PXN: variants seen among roughly 807,000 people sequenced by gnomAD.
PXN encodes the protein testicular tissue protein Li 134.
In PXN, 61 loss-of-function variants were observed where a neutral mutation model predicts 103.6. The observed-to-expected ratio is 0.59, with a 90% CI of 0.48 to 0.73. The LOEUF (loss-of-function observed/expected upper bound fraction) is 0.73, where lower values mean the gene tolerates loss of function less well. PXN is among the 30% of genes least tolerant of loss of function. The probability of loss-of-function intolerance (pLI) is 0.00; values close to 1 mark genes in which losing one functional copy is unlikely to be tolerated. For synonymous variants in PXN, 562 were observed against 607.8 expected (o/e 0.92, Z 1.11); for missense variants, 1,274 against 1,460.3 (o/e 0.87, Z 2.08).
chr12:120,251,014 GCCAA>G (rs1400655608), intron 1 of PXN, among the ~76,000 whole-genome samples: 1 of 152,124 alleles, frequency 6.6e-6, no homozygotes, highest in Non-Finnish European at 1.5e-5. Flanking sequence ...GACCAGCCTG[GCCAA>G]CATGGCGAAA....
chr12:120,237,148 T>TATACAC (rs1204785614), intron 1 of PXN, among the ~76,000 whole-genome samples: 1 of 137,552 alleles, frequency 7.3e-6, no homozygotes, highest in Non-Finnish European at 1.6e-5. Context: ...TGTGTGTGTA[T>TATACAC]ACACACACAC....
intron 1 of PXN, among the ~76,000 whole-genome samples, chr12:120,237,078 G>A (rs984223854): frequency 2.0e-5 from 3 of 151,824 alleles, no homozygotes; most frequent in South Asian, 4.2e-4. Context: ...CTAGGATTAC[G>A]GGCATGAGCC....
chr12:120,257,582 A>AGGT (rs1473970947), intron 1 of PXN, among the ~76,000 whole-genome samples: 2 of 152,196 alleles, frequency 1.3e-5, no homozygotes, highest in Non-Finnish European at 2.9e-5. Context: ...CTCAGAGCCA[A>AGGT]GAGGGCCACT....
At position 120,211,625 on chromosome 12, in the gene PXN, C is replaced by T. The variant is rs1484617566; in HGVS notation, c.*689G>A. 1 of 288,768 alleles carries T rather than the reference C, an allele frequency of 3.5e-6. No individual in the cohort carries two copies. Among genetic ancestry groups the T allele is most frequent in the African/African-American group, 2.2e-5 (1 of 46,086 alleles). 17.9% of individuals were successfully genotyped at this position (288,768 alleles called of 1,614,324 possible). A position where few individuals can be genotyped will look rare whatever the true frequency, so the allele number is the denominator to read the frequency against. On this transcript the variant is annotated 3_prime_UTR_variant, in exon 15 of 15. Coordinates refer to ENST00000637617, the MANE Select transcript of PXN (RefSeq NM_001385981.1). ...AAATCTATCAAAGTCGGTACAGTGT[C>T]CAGGCACGCCGTCCCGGAGACGGAG...
At chr12:120,234,886 G>A (rs1282551440) in intron 1 of PXN, among the ~76,000 whole-genome samples, 1 of 152,138 alleles carries the variant, frequency 6.6e-6, no homozygotes, top group Non-Finnish European at 1.5e-5. Flanking sequence ...GCCAGCAGGG[G>A]GAGGAGTCGG....
chr12:120,248,328 G>A (rs1486093723), intron 1 of PXN, among the ~76,000 whole-genome samples: 1 of 151,844 alleles, frequency 6.6e-6, no homozygotes, highest in Admixed American at 6.6e-5. Flanking sequence ...AGGGAAGCAC[G>A]CCAGCTCACA....
At position 120,220,683 on chromosome 12, in the gene PXN, T is replaced by C. The variant is rs1411350921; in HGVS notation, c.832-592A>G. Among the ~76,000 whole-genome samples the C allele has an allele frequency of 6.6e-6, 1 of 152,166 alleles. No individual in the cohort carries two copies. The highest frequency in any genetic ancestry group is 1.5e-5 in the Non-Finnish European group (1 of 68,026). ...AATCCAACTTACTTGCTTCTGACCA[T>C]GGCTGCTCAGAACCACTGGCCTGGA... On this transcript the variant is annotated intron_variant, in intron 6 of 14. Transcript: ENST00000637617. The surrounding 1 kb of genome is among the most constrained non-coding windows in gnomAD (Gnocchi z 6.1).
Position 120,213,379 on chromosome 12 carries a change from C to CA in PXN, c.2979+462dup, listed in dbSNP as rs869127796. Among the ~76,000 whole-genome samples the CA allele has an allele frequency of 6.8e-6, 1 of 147,696 alleles. No homozygotes were observed. On this transcript the variant is annotated intron_variant, in intron 14 of 14. Transcript: ENST00000637617. This position sits in a 1 kb window ranked among gnomAD's most constrained non-coding sequence, Gnocchi z 4.2. ...TGGGCAACAGAGTGAGACTCCGTCT[C>CA]AAAAAAAGAAAAGAAAAGAAAAGGC...
rs1894526125 is a variant in PXN, at chr12:120,265,318, G to C, written c.13+299C>G. Among the ~76,000 whole-genome samples, 1 of 152,108 alleles carries C rather than the reference G, an allele frequency of 6.6e-6. No individual in the cohort carries two copies. The highest frequency in any genetic ancestry group is 1.5e-5 in the Non-Finnish European group (1 of 68,002). ...CGGACGGGGTGGGTCCCTGAGGGGCGGGCTGGTCCCTGGGGCCCTTCTGGG... is the reference window on the plus strand; with the variant it reads ...CGGACGGGGTGGGTCCCTGAGGGGCCGGCTGGTCCCTGGGGCCCTTCTGGG... On this transcript the variant is annotated intron_variant, in intron 1 of 14. Transcript: ENST00000637617. This position sits in a 1 kb window ranked among gnomAD's most constrained non-coding sequence, Gnocchi z 5.7.
intron 1 of PXN, among the ~76,000 whole-genome samples, chr12:120,257,711 G>A (rs781751008): frequency 2.8e-4 from 43 of 152,184 alleles, no homozygotes; most frequent in Non-Finnish European, 5.4e-4. Context: ...GGGGGAGCCT[G>A]AAGGCTGGAA....
chr12:120,217,595 G>C lies in PXN; in HGVS notation c.1717-479C>G, dbSNP rs550788846. 2.0e-5 allele frequency among the ~76,000 whole-genome samples: 3 copies of C among 151,108 alleles called. No homozygotes were observed. The highest frequency in any genetic ancestry group is 2.9e-5 in the Non-Finnish European group (2 of 67,816). ...TTTCCTTCCAGGAACTTTTTTTTGG[G>C]GGGGGACAGAGTCTCGCTCTGTCGC... On this transcript the variant is annotated intron_variant, in intron 7 of 14. Transcript: ENST00000637617. The surrounding 1 kb of genome is among the most constrained non-coding windows in gnomAD (Gnocchi z 4.1).
rs1274355415 is a variant in PXN, at chr12:120,211,905, G to A, written c.*409C>T. The A allele has an allele frequency of 1.9e-6, 1 of 524,680 alleles. No individual in the cohort carries two copies. Among genetic ancestry groups the A allele is most frequent in the Non-Finnish European group, 3.8e-6 (1 of 264,208 alleles). 32.5% of individuals were successfully genotyped at this position (524,680 alleles called of 1,614,324 possible). On this transcript the variant is annotated 3_prime_UTR_variant, in exon 15 of 15. Coordinates refer to ENST00000637617, the MANE Select transcript of PXN (RefSeq NM_001385981.1). ...GAACAAAGACAATTAGGTCGGGGGA[G>A]GAATAAGGATAAAAAGAGACCCCAA...
rs1887462062 is a variant in PXN, at chr12:120,228,940, C to T, written c.14-4563G>A. On this transcript the variant is annotated intron_variant, in intron 1 of 14. Transcript: ENST00000637617. This position sits in a 1 kb window ranked among gnomAD's most constrained non-coding sequence, Gnocchi z 4.7. ...CTACGGCCAGGCTGAGAGGAAGAAG[C>T]CCTTCCCTGGGCCTCAGCAACTGAC... Among the ~76,000 whole-genome samples, 1 of 152,202 alleles carries T rather than the reference C, an allele frequency of 6.6e-6. No homozygotes were observed. The highest frequency in any genetic ancestry group is 1.5e-5 in the Non-Finnish European group (1 of 68,026).
At position 120,217,153 on chromosome 12, in the gene PXN, C is replaced by G; in HGVS notation, c.1717-37G>C. On this transcript the variant is annotated intron_variant, in intron 7 of 14. Transcript: ENST00000637617. This position sits in a 1 kb window ranked among gnomAD's most constrained non-coding sequence, Gnocchi z 4.1. ...GGGAGGGGAGGCTGTCACCGTCCCA[C>G]TCCCAGCTTGCACAACGCTGCTCAG... 3 of 1,507,478 alleles carry G rather than the reference C, an allele frequency of 2.0e-6. No individual in the cohort carries two copies. Among genetic ancestry groups the G allele is most frequent in the Non-Finnish European group, 2.7e-6 (3 of 1,114,864 alleles). 93.4% of individuals were successfully genotyped at this position (1,507,478 alleles called of 1,614,324 possible). A position where few individuals can be genotyped will look rare whatever the true frequency, so the allele number is the denominator to read the frequency against.
At position 120,211,353 on chromosome 12, in the gene PXN, A is replaced by G. The variant is rs1199793945; in HGVS notation, c.*961T>C. 1 of 153,956 alleles carries G rather than the reference A, an allele frequency of 6.5e-6. No homozygotes were observed. Among genetic ancestry groups the G allele is most frequent in the African/African-American group, 2.4e-5 (1 of 41,450 alleles). 9.5% of individuals were successfully genotyped at this position (153,956 alleles called of 1,614,324 possible). A position where few individuals can be genotyped will look rare whatever the true frequency, so the allele number is the denominator to read the frequency against. Reference sequence around the variant, plus strand: ...GTCCTGGTGAGCTATGAAGTGAAAGAGGGGGAGTCACAGAGCTGCTCCCAG... The same window carrying G: ...GTCCTGGTGAGCTATGAAGTGAAAGGGGGGGAGTCACAGAGCTGCTCCCAG... On this transcript the variant is annotated 3_prime_UTR_variant, in exon 15 of 15. Coordinates refer to ENST00000637617, the MANE Select transcript of PXN (RefSeq NM_001385981.1).
Position 120,212,302 on chromosome 12 carries a change from G to A in PXN, c.*12C>T. The A allele has an allele frequency of 6.2e-7, 1 of 1,607,740 alleles. No homozygotes were observed. Among genetic ancestry groups the A allele is most frequent in the Non-Finnish European group, 8.5e-7 (1 of 1,176,028 alleles). On this transcript the variant is annotated 3_prime_UTR_variant, in exon 15 of 15. Transcript: ENST00000637617. This position sits in a 1 kb window ranked among gnomAD's most constrained non-coding sequence, Gnocchi z 7.2. The stretch of plus-strand genomic sequence containing the variant: ...TGGCTGGGGAAGGGGGGCAGAGACA[G>A]GGGCAGGGCACCTAGCAGAAGAGCT...
At position 120,224,534 on chromosome 12, in the gene PXN, C is replaced by G; in HGVS notation, c.14-157G>C. The G allele has an allele frequency of 1.4e-6, 1 of 735,604 alleles. No homozygotes were observed. Among genetic ancestry groups the G allele is most frequent in the Non-Finnish European group, 2.5e-6 (1 of 406,010 alleles). 45.6% of individuals were successfully genotyped at this position (735,604 alleles called of 1,614,324 possible). A position where few individuals can be genotyped will look rare whatever the true frequency, so the allele number is the denominator to read the frequency against. On this transcript the variant is annotated intron_variant, in intron 1 of 14. Coordinates refer to ENST00000637617, the MANE Select transcript of PXN (RefSeq NM_001385981.1). The surrounding 1 kb of genome is among the most constrained non-coding windows in gnomAD (Gnocchi z 5.0). ...AGCCTTGGGACAGGAAGCCACCAGCCCCGACCAGCCTAACCAAGAGCCGGC... is the reference window on the plus strand; with the variant it reads ...AGCCTTGGGACAGGAAGCCACCAGCGCCGACCAGCCTAACCAAGAGCCGGC...
chr12:120,226,386 C>T (rs1161835651), intron 1 of PXN: 2 of 1,289,122 alleles, frequency 1.6e-6, no homozygotes, highest in Non-Finnish European at 2.0e-6. Flanking sequence ...ACGCCACCAG[C>T]ACAGATGGTA....
rs183921238 is a variant in PXN, at chr12:120,241,242, A to G, written c.14-16865T>C. 2.4e-3 allele frequency among the ~76,000 whole-genome samples: 369 copies of G among 152,336 alleles called. 1 individual carries two copies. The highest frequency in any genetic ancestry group is 4.2e-3 in the Non-Finnish European group (287 of 68,022). On this transcript the variant is annotated intron_variant, in intron 1 of 14. Coordinates refer to ENST00000637617, the MANE Select transcript of PXN (RefSeq NM_001385981.1). ...TGGTCCTTTGAAGACAAGTCTGATCACTAGGGGCTGAAGCTGAAGCTGCCT... is the reference window on the plus strand; with the variant it reads ...TGGTCCTTTGAAGACAAGTCTGATCGCTAGGGGCTGAAGCTGAAGCTGCCT...
Sources: gnomAD v4.1 joint callset for allele counts (sites outside exome capture counted in the v4.1 genomes callset) on GRCh38, gnomAD v4.1.1 for gene constraint, Gnocchi (gnomAD v3.1) non-coding constraint, MANE v1.5 for transcripts, NCBI Gene and HGNC (gene_info 2026-07-23, HGNC 2026-07-21) for gene names.